FSIP1: variants seen among roughly 807,000 people sequenced by gnomAD.
FSIP1 encodes the protein fibrous sheath interacting protein 1.
Under a neutral mutation model 60.9 loss-of-function variants are expected in FSIP1, and 65 were observed. The observed-to-expected ratio is 1.07, with a 90% CI of 0.87 to 1.31. The LOEUF (loss-of-function observed/expected upper bound fraction) is 1.31, where lower values mean the gene tolerates loss of function less well. Ranked by LOEUF, FSIP1 falls within the 40% of genes most tolerant of loss-of-function variation. FSIP1 has a pLI of 0.00. For synonymous variants in FSIP1, 209 were observed against 221.2 expected (o/e 0.94, Z 0.49); for missense variants, 675 against 665.5 (o/e 1.01, Z -0.16).
At chr15:39,624,274 G>C (rs1056639860) in intron 10 of FSIP1, among the ~76,000 whole-genome samples, 1 of 152,182 alleles carries the variant, frequency 6.6e-6, no homozygotes. Context: ...GAAGGAACCT[G>C]CCACTTAATT....
chr15:39,776,216 G>GGGAGGGCGGGAGGGAA (rs758628766), intron 2 of FSIP1, among the ~76,000 whole-genome samples, 183 bp downstream of exon 2: 1 of 105,254 alleles, frequency 9.5e-6, no homozygotes, highest in African/African-American at 3.2e-5. Flanking sequence ...GAGGGAGGGA[G>GGGAGGGCGGGAGGGAA]GGAAGGAATG....
At chr15:39,721,418 C>T (rs1208999794) in intron 9 of FSIP1, among the ~76,000 whole-genome samples, 1 of 152,246 alleles carries the variant, frequency 6.6e-6, no homozygotes, top group Non-Finnish European at 1.5e-5. Context: ...GCAGCATACA[C>T]TTTCCGTACT....
intron 10 of FSIP1, among the ~76,000 whole-genome samples, chr15:39,620,228 C>A (rs953051163): frequency 6.6e-6 from 1 of 152,050 alleles, no homozygotes; most frequent in Non-Finnish European, 1.5e-5. Flanking sequence ...TTTACACAGT[C>A]AATGATAATA....
intron 10 of FSIP1, among the ~76,000 whole-genome samples, chr15:39,655,857 A>G (rs1208788571): frequency 6.6e-6 from 1 of 152,192 alleles, no homozygotes; most frequent in Non-Finnish European, 1.5e-5. Flanking sequence ...TGTTCCAAGA[A>G]CAAGGATCAC....
At chr15:39,744,727 AGTCTGTCT>A (rs35653532) in intron 5 of FSIP1, among the ~76,000 whole-genome samples, 1 of 144,286 alleles carries the variant, frequency 6.9e-6, no homozygotes, top group Non-Finnish European at 1.5e-5. Context: ...AGGCTGAAGT[AGTCTGTCT>A]GTCTGTCTGT....
At chr15:39,712,142 T>G (rs1895541753) in intron 10 of FSIP1, among the ~76,000 whole-genome samples, 1 of 151,472 alleles carries the variant, frequency 6.6e-6, no homozygotes, top group Non-Finnish European at 1.5e-5. Flanking sequence ...TTCATTCCCT[T>G]TAGATCTGCT....
chr15:39,700,520 C>G (rs552800967), intron 10 of FSIP1, among the ~76,000 whole-genome samples: 1 of 152,204 alleles, frequency 6.6e-6, no homozygotes. Flanking sequence ...AATTGTGCAA[C>G]ATCATTGACC....
At chr15:39,671,935 T>C (rs1893736182) in intron 10 of FSIP1, among the ~76,000 whole-genome samples, 1 of 152,092 alleles carries the variant, frequency 6.6e-6, no homozygotes, top group Admixed American at 6.5e-5. Flanking sequence ...GAGCTAGCCT[T>C]CCCAAAGAGC....
intron 10 of FSIP1, among the ~76,000 whole-genome samples, chr15:39,684,238 GAC>G (rs1026617126): frequency 1.1e-4 from 16 of 152,274 alleles, no homozygotes; most frequent in African/African-American, 3.1e-4. Context: ...CAAAGGAACA[GAC>G]ACATGTGTGT....
intron 10 of FSIP1, among the ~76,000 whole-genome samples, chr15:39,635,506 C>T (rs908297690): frequency 1.3e-5 from 2 of 152,134 alleles, no homozygotes; most frequent in Non-Finnish European, 2.9e-5. Flanking sequence ...CCGGATCTAG[C>T]AAGTTCTTGA....
intron 10 of FSIP1, among the ~76,000 whole-genome samples, chr15:39,625,823 G>A (rs1260517871): frequency 4.6e-5 from 7 of 152,184 alleles, no homozygotes; most frequent in Admixed American, 2.0e-4. Context: ...CTCATGCTCC[G>A]AGGGAACTGG....
At chr15:39,761,437 A>G (rs1175645961) in intron 5 of FSIP1, among the ~76,000 whole-genome samples, 1 of 152,230 alleles carries the variant, frequency 6.6e-6, no homozygotes. Flanking sequence ...GAATAGAATT[A>G]GAGGACATTA....
At position 39,765,759 on chromosome 15, in the gene FSIP1, G is replaced by T; in HGVS notation, c.311-13C>A. ...AATTTGGGTTCATCTATATTGTGTT[G>T]AAAGTAAAAATAGGTTTGAAGTATA... is the stretch of plus-strand genomic sequence containing the variant. On this transcript the variant is annotated splice_polypyrimidine_tract_variant and intron_variant, in intron 3 of 11. Coordinates refer to ENST00000350221, the MANE Select transcript of FSIP1 (RefSeq NM_152597.5). The T allele has an allele frequency of 1.8e-5, 26 of 1,413,694 alleles. No individual in the cohort carries two copies. Among genetic ancestry groups the T allele is most frequent in the East Asian group, 2.4e-5 (1 of 42,094 alleles). 87.6% of individuals were successfully genotyped at this position (1,413,694 alleles called of 1,614,324 possible).
At chr15:39,643,959 A>G (rs1249309418) in intron 10 of FSIP1, among the ~76,000 whole-genome samples, 1 of 152,224 alleles carries the variant, frequency 6.6e-6, no homozygotes, top group East Asian at 1.9e-4. Flanking sequence ...TTAAAATAAC[A>G]TCTGAATGTA....
chr15:39,677,827 C>A (rs938709300), intron 10 of FSIP1, among the ~76,000 whole-genome samples: 1 of 151,970 alleles, frequency 6.6e-6, no homozygotes, highest in Non-Finnish European at 1.5e-5. Flanking sequence ...GAAACCCCGT[C>A]GCTACTAAAA....
intron 3 of FSIP1, among the ~76,000 whole-genome samples, chr15:39,769,160 TC>T (rs1279242473): frequency 6.6e-6 from 1 of 151,542 alleles, no homozygotes; most frequent in Non-Finnish European, 1.5e-5. Flanking sequence ...GCGCCTGTAG[TC>T]CCAGCTACTC....
intron 9 of FSIP1, among the ~76,000 whole-genome samples, chr15:39,716,690 C>T (rs1282758804): frequency 6.6e-6 from 1 of 151,902 alleles, no homozygotes; most frequent in Non-Finnish European, 1.5e-5. Flanking sequence ...CAGCCACTAG[C>T]ATGGCCCAGA....
chr15:39,681,448 G>T (rs1443676107), intron 10 of FSIP1, among the ~76,000 whole-genome samples: 1 of 151,916 alleles, frequency 6.6e-6, no homozygotes, highest in African/African-American at 2.4e-5. Context: ...GTCATAATGG[G>T]TATCAGAAAT....
At chr15:39,765,562 C>T (rs926298635) in intron 4 of FSIP1, 30 bp downstream of exon 4, 2 of 1,512,108 alleles carry the variant, frequency 1.3e-6, no homozygotes, top group Non-Finnish European at 1.8e-6. Flanking sequence ...TTATTTCTTA[C>T]ATGTCAGCAT....
Sources: allele counts gnomAD v4.1 joint callset (sites outside exome capture counted in the v4.1 genomes callset), GRCh38; gene constraint gnomAD v4.1.1; transcripts MANE v1.5; gene names NCBI Gene and HGNC (gene_info 2026-07-23, HGNC 2026-07-21).